The following SPEN variants were observed in gnomAD, a reference collection of about 807,000 sequenced individuals.
SPEN encodes spen family transcriptional repressor, also known as msx2-interacting protein.
Under a neutral mutation model 269.9 loss-of-function variants are expected in SPEN, and 18 were observed. The observed-to-expected ratio is 0.07, with a 90% confidence interval of 0.05 to 0.10. The LOEUF (loss-of-function observed/expected upper bound fraction) is 0.10. Ranked by LOEUF, SPEN falls within the 10% of genes least tolerant of loss-of-function variation. The pLI is 1.00. For missense variants in SPEN, 3,822 were observed against 4,631.2 expected, an observed-to-expected ratio of 0.83 and a Z score of 5.07; for synonymous variants, 1,726 against 1,765.7, an observed-to-expected ratio of 0.98 and a Z score of 0.56.
chr1:15,908,035 A>G (rs557035122), intron 3 of SPEN, among the ~76,000 whole-genome samples: 1 of 152,306 alleles, frequency 6.6e-6, no homozygotes, highest in Non-Finnish European at 1.5e-5. Context: ...ATCACAGTGA[A>G]GAAAGCCTAA....
intron 2 of SPEN, chr1:15,874,346 C>T (rs1335613840): frequency 1.5e-6 from 2 of 1,366,432 alleles, no homozygotes; most frequent in Admixed American, 1.9e-5. Context: ...TCACAATTCT[C>T]TCCCTAGATT....
At chr1:15,858,821 GT>G (rs1262750788) in intron 1 of SPEN, among the ~76,000 whole-genome samples, 1 of 152,106 alleles carries the variant, frequency 6.6e-6, no homozygotes, top group African/African-American at 2.4e-5. Flanking sequence ...GCGCACACCA[GT>G]AGTCCCAGCT....
chr1:15,899,552 T>G (rs938610122), intron 3 of SPEN, among the ~76,000 whole-genome samples: 7 of 148,928 alleles, frequency 4.7e-5, no homozygotes, highest in African/African-American at 1.5e-4. Context: ...TTTTTTTTTT[T>G]TTTTTTTTTT....
At chr1:15,882,653 C>G (rs2070697729) in intron 3 of SPEN, among the ~76,000 whole-genome samples, 2 of 152,076 alleles carry the variant, frequency 1.3e-5, no homozygotes, top group African/African-American at 4.8e-5. Context: ...GAACAAGACT[C>G]CATTTCAAAA....
chr1:15,899,705 G>A (rs1265852339), intron 3 of SPEN, among the ~76,000 whole-genome samples: 2 of 151,844 alleles, frequency 1.3e-5, no homozygotes, highest in Non-Finnish European at 2.9e-5. Flanking sequence ...ATTAGATGTT[G>A]CGCATTTTTT....
intron 4 of SPEN, among the ~76,000 whole-genome samples, chr1:15,910,598 C>A (rs147952339): frequency 8.4e-4 from 128 of 151,788 alleles, no homozygotes; most frequent in Admixed American, 1.4e-3. Context: ...TTATCTGTTT[C>A]CTGTCTTCCT....
intron 4 of SPEN, among the ~76,000 whole-genome samples, chr1:15,910,816 C>G (rs114444513): frequency 6.6e-6 from 1 of 151,978 alleles, no homozygotes; most frequent in Non-Finnish European, 1.5e-5. Flanking sequence ...ACAATAATCT[C>G]GAAACCGTGT....
chr1:15,906,773 CTTTTTTTTTTTT>C (rs1229092780), intron 3 of SPEN, among the ~76,000 whole-genome samples: 1 of 96,508 alleles, frequency 1.0e-5, no homozygotes, highest in Non-Finnish European at 2.0e-5. Flanking sequence ...ATGTTTTCAT[CTTTTTTTTTTTT>C]TTTTTTTTTG....
In SPEN at chr1:15,940,456, A is replaced by G. The variant is rs1181942514; in HGVS notation, c.*1029A>G. 1 of 227,262 alleles carries G rather than the reference A, an allele frequency of 4.4e-6. No individual in the cohort carries two copies. Among genetic ancestry groups the G allele is most frequent in the Admixed American group, 5.7e-5 (1 of 17,512 alleles). The allele number at this position is 227,262 out of a possible 1,614,324, so 14.1% of individuals were successfully genotyped here. A position where few individuals can be genotyped will look rare whatever the true frequency, so the allele number is the denominator to read the frequency against. The stretch of plus-strand genomic sequence containing the variant: ...AACTTTATTAAAAAATATAAAACAC[A>G]CCAAGTGTGAGTGTGATTGTCACTT... On this transcript the variant is annotated 3_prime_UTR_variant, in exon 15 of 15. Transcript: ENST00000375759.
Position 15,920,836 on chromosome 1 carries a change from G to T in SPEN, c.1636-34G>T, listed in dbSNP as rs1263658451. 5 of 1,325,102 alleles carry T rather than the reference G, an allele frequency of 3.8e-6. No individual in the cohort carries two copies. The African/African-American group carries it at 4.4e-5, about 12-fold the overall frequency. 82.1% of individuals were successfully genotyped at this position (1,325,102 alleles called of 1,614,324 possible). Reference sequence around the variant, plus strand: ...ACTGACACTAAGTCCAGTGGATGAGGCTCTTACTTGTTTTTTGTTTGTTTG... The same window carrying T: ...ACTGACACTAAGTCCAGTGGATGAGTCTCTTACTTGTTTTTTGTTTGTTTG... On this transcript the variant is annotated intron_variant, in intron 8 of 14. Coordinates refer to ENST00000375759, the MANE Select transcript of SPEN (RefSeq NM_015001.3).
At chr1:15,883,353 A>G (rs1472555167) in intron 3 of SPEN, among the ~76,000 whole-genome samples, 3 of 152,192 alleles carry the variant, frequency 2.0e-5, no homozygotes, top group East Asian at 1.9e-4. Context: ...CTCTTCTGCC[A>G]TGTTAAGATA....
chr1:15,905,660 C>T (rs1406760707), intron 3 of SPEN, among the ~76,000 whole-genome samples: 10 of 151,978 alleles, frequency 6.6e-5, no homozygotes, highest in Non-Finnish European at 1.0e-4. Flanking sequence ...GCAACCTCCA[C>T]CTCCCGGGTT....
intron 3 of SPEN, among the ~76,000 whole-genome samples, chr1:15,898,551 TTTTTTTC>T (rs1486861124): frequency 1.2e-4 from 16 of 137,886 alleles, no homozygotes; most frequent in Admixed American, 1.1e-3. Flanking sequence ...TTTTTTTTTC[TTTTTTTC>T]TTTTTTTTTT....
chr1:15,890,689 T>C (rs999276166), intron 3 of SPEN, among the ~76,000 whole-genome samples: 18 of 151,838 alleles, frequency 1.2e-4, no homozygotes, highest in African/African-American at 2.4e-5. Flanking sequence ...TTTTAATACA[T>C]TTACAGCATT....
chr1:15,932,663 A>C lies in SPEN; in HGVS notation c.6423A>C (p.Pro2141=). ...TATCATCCCAGTTGAAAAGTGATCC[A>C]GTTGATCCAGACAAGGAACCAGAGA... ...DGLSSQLKSD[P]VDPDKEPEKE... is the part of the protein sequence containing the mutation. The change falls in exon 11 of 15, where the codon CCA becomes CCC. Residue 2141 remains proline, a synonymous_variant. Transcript: ENST00000375759. The surrounding 1 kb of genome is among the most constrained non-coding windows in gnomAD (Gnocchi z 4.2). The C allele has an allele frequency of 6.2e-7, 1 of 1,613,922 alleles. No individual in the cohort carries two copies. The highest frequency in any genetic ancestry group is 8.5e-7 in the Non-Finnish European group (1 of 1,179,884).
At chr1:15,901,315 G>A (rs1210753720) in intron 3 of SPEN, among the ~76,000 whole-genome samples, 14 of 149,086 alleles carry the variant, frequency 9.4e-5, no homozygotes, top group African/African-American at 3.2e-4. Context: ...GACTCTGTCT[G>A]GTAAAAAAAA....
chr1:15,937,755 C>T lies in SPEN; in HGVS notation c.10510-57C>T. Reference sequence around the variant, plus strand: ...ACAAGCTACAGCCTCTGGCTGTGTCCAGCATGGCTCAGCGAGGGGCCATGA... The same window carrying T: ...ACAAGCTACAGCCTCTGGCTGTGTCTAGCATGGCTCAGCGAGGGGCCATGA... On this transcript the variant is annotated intron_variant, in intron 12 of 14. Coordinates refer to ENST00000375759, the MANE Select transcript of SPEN (RefSeq NM_015001.3). This position sits in a 1 kb window ranked among gnomAD's most constrained non-coding sequence, Gnocchi z 5.7. 6.2e-7 allele frequency: 1 copy of T among 1,610,372 alleles called. No homozygotes were observed.
intron 2 of SPEN, among the ~76,000 whole-genome samples, chr1:15,875,678 A>T (rs74054878): frequency 0.011 from 1,746 of 152,268 alleles, 27 homozygotes; most frequent in African/African-American, 0.039. Context: ...TAATGAAAAA[A>T]AGTTAAACTT....
At chr1:15,859,880 A>G (rs865799462) in intron 1 of SPEN, among the ~76,000 whole-genome samples, 4 of 150,370 alleles carry the variant, frequency 2.7e-5, no homozygotes, top group African/African-American at 9.8e-5. Context: ...GTATTTAATA[A>G]GTATAAAGAA....
Sources: allele counts gnomAD v4.1 joint callset (sites outside exome capture counted in the v4.1 genomes callset), GRCh38; gene constraint gnomAD v4.1.1; non-coding constraint Gnocchi (gnomAD v3.1); transcripts MANE v1.5; gene names NCBI Gene and HGNC (gene_info 2026-07-23, HGNC 2026-07-21).